The following FILIP1L variants were observed in gnomAD, a reference collection of about 807,000 sequenced individuals.
FILIP1L encodes the protein filamin A-interacting protein 1-like.
FILIP1L carries 55 observed loss-of-function variants against 96.6 expected under a neutral mutation model. The observed-to-expected ratio is 0.57, with a 90% CI of 0.46 to 0.71. The LOEUF is 0.71. Among genes scored for constraint, FILIP1L ranks in the 30% least tolerant of loss-of-function variants. The probability of loss-of-function intolerance (pLI) is 0.00; values close to 1 mark genes in which losing one functional copy is unlikely to be tolerated. For missense variants in FILIP1L, 1,304 were observed against 1,321.2 expected (o/e 0.99, Z 0.20); for synonymous variants, 467 against 473.9 (o/e 0.99, Z 0.19).
intron 1 of FILIP1L, among the ~76,000 whole-genome samples, chr3:99,958,299 A>G (rs1448559295): frequency 6.6e-6 from 1 of 150,894 alleles, no homozygotes; most frequent in Non-Finnish European, 1.5e-5. Flanking sequence ...ACAGTAACAG[A>G]AAGGGAAAAT....
At chr3:100,098,534 C>T (rs2066250591) in intron 1 of FILIP1L, among the ~76,000 whole-genome samples, 1 of 152,184 alleles carries the variant, frequency 6.6e-6, no homozygotes, top group Non-Finnish European at 1.5e-5. Context: ...TTGACTGACT[C>T]TATAAGTTTT....
chr3:99,835,165 G>A (rs868780489), intron 5 of FILIP1L, among the ~76,000 whole-genome samples: 5 of 152,088 alleles, frequency 3.3e-5, no homozygotes, highest in Non-Finnish European at 7.4e-5. Flanking sequence ...GTTGCTAAGG[G>A]TGGGAGTTAA....
chr3:99,968,419 GTT>G lies in FILIP1L; in HGVS notation c.-10-37391_-10-37390del, dbSNP rs1288354671. 2.7e-5 allele frequency among the ~76,000 whole-genome samples: 4 copies of G among 147,468 alleles called. No homozygotes were observed. The East Asian group carries it at 7.9e-4, about 29-fold the overall frequency. Reference sequence around the variant, plus strand: ...TATGAAGTAGGTCCTGAAAAACTATGTTTTTGGGGGAAAAAAAAAAAAAAGAC... The same window carrying G: ...TATGAAGTAGGTCCTGAAAAACTATGTTTGGGGGAAAAAAAAAAAAAAGAC... On this transcript the variant is annotated intron_variant, in intron 1 of 5. Coordinates refer to ENST00000477258, the MANE Select transcript of FILIP1L (RefSeq NM_001387850.1).
chr3:99,937,104 T>G (rs754901251), intron 1 of FILIP1L, among the ~76,000 whole-genome samples: 1 of 151,856 alleles, frequency 6.6e-6, no homozygotes, highest in African/African-American at 2.4e-5. Flanking sequence ...TGTGGCTAAT[T>G]TTTTTGTATT....
intron 1 of FILIP1L, among the ~76,000 whole-genome samples, chr3:99,962,489 T>C (rs975620291): frequency 3.9e-5 from 6 of 152,228 alleles, no homozygotes; most frequent in Admixed American, 2.6e-4. Context: ...TAGACAGATA[T>C]AGCTCTTTCA....
At position 100,114,175 on chromosome 3, in the gene FILIP1L, CT is replaced by C. The variant is rs924577894; in HGVS notation, c.-134del. 1.3e-5 allele frequency: 2 copies of C among 152,074 alleles called. No individual in the cohort carries two copies. The highest frequency in any genetic ancestry group is 1.3e-4 in the Admixed American group (2 of 15,276). The allele number at this position is 152,074 out of a possible 1,614,324, so 9.4% of individuals were successfully genotyped here. On this transcript the variant is annotated 5_prime_UTR_variant, in exon 1 of 6. The change creates a premature stop within an existing upstream ORF in the 5' untranslated region. Transcript: ENST00000477258. ...TTCTTCTTCTCTTTTTGGACACCCTCTCAGTTTTTGTTTTGTAGGCTTGAAA... is the reference window on the plus strand; with the variant it reads ...TTCTTCTTCTCTTTTTGGACACCCTCCAGTTTTTGTTTTGTAGGCTTGAAA...
intron 1 of FILIP1L, among the ~76,000 whole-genome samples, chr3:100,113,422 G>C (rs771217481): frequency 6.6e-6 from 1 of 152,168 alleles, no homozygotes. Flanking sequence ...TTCTTGATAG[G>C]TATCTCCCAA....
At chr3:100,038,111 A>G (rs888203465) in intron 1 of FILIP1L, among the ~76,000 whole-genome samples, 2 of 151,864 alleles carry the variant, frequency 1.3e-5, no homozygotes, top group Non-Finnish European at 2.9e-5. Flanking sequence ...ACCTGCCACC[A>G]TGTCCAGCTA....
chr3:99,910,770 A>G (rs1472463289), intron 4 of FILIP1L, among the ~76,000 whole-genome samples: 1 of 83,560 alleles, frequency 1.2e-5, no homozygotes, highest in Non-Finnish European at 3.2e-5. Context: ...AAGAAAGTAG[A>G]TAACTAGAAT....
chr3:99,981,906 G>A (rs987573955), intron 1 of FILIP1L, among the ~76,000 whole-genome samples: 3 of 152,108 alleles, frequency 2.0e-5, no homozygotes, highest in Non-Finnish European at 2.9e-5. Flanking sequence ...CGGGAGGATC[G>A]CTTGAGGCCA....
At chr3:99,883,876 A>C (rs2107605580) in intron 4 of FILIP1L, among the ~76,000 whole-genome samples, 1 of 152,344 alleles carries the variant, frequency 6.6e-6, no homozygotes, top group East Asian at 1.9e-4. Flanking sequence ...AAGATCACAG[A>C]GCTAGGGAAT....
chr3:99,842,207 A>G (rs924433451), intron 5 of FILIP1L, among the ~76,000 whole-genome samples: 6 of 152,166 alleles, frequency 3.9e-5, no homozygotes, highest in South Asian at 2.1e-4. Context: ...ATTGGAGACT[A>G]TTGTTCTAAG....
chr3:100,038,622 A>G (rs890794631), intron 1 of FILIP1L, among the ~76,000 whole-genome samples: 3 of 152,208 alleles, frequency 2.0e-5, no homozygotes, highest in African/African-American at 7.2e-5. Context: ...ATCCAATACT[A>G]TGCTTCCATA....
chr3:99,987,677 C>A lies in FILIP1L; in HGVS notation c.-10-56647G>T, dbSNP rs548339689. Among the ~76,000 whole-genome samples the A allele has an allele frequency of 2.6e-5, 4 of 152,198 alleles. No individual in the cohort carries two copies. In the South Asian group the frequency reaches 8.3e-4, roughly 32 times the overall value. ...CTAACAATTCTGTTATTAACATGAC[C>A]CAAAGTCAGAATTAGTTTAGCACAG... On this transcript the variant is annotated intron_variant, in intron 1 of 5. Transcript: ENST00000477258.
At position 99,849,506 on chromosome 3, in the gene FILIP1L, C is replaced by A; in HGVS notation, c.2170G>T (p.Glu724Ter). Reference sequence around the variant, plus strand: ...GTTGCCATGTATTCATGAATTTTCTCTTTTAATGCATCCACTTCTCTTGAG... The same window carrying A: ...GTTGCCATGTATTCATGAATTTTCTATTTTAATGCATCCACTTCTCTTGAG... ...HLSREVDALK[E>*]KIHEYMATED... Residue 724 changes from glutamate to a stop codon, truncating the protein, a stop_gained, in exon 5 of 6, where the codon GAG (glutamate) becomes TAG (stop). Transcript: ENST00000477258. LOFTEE classifies it high-confidence loss of function. The A allele has an allele frequency of 6.2e-7, 1 of 1,613,376 alleles. No individual in the cohort carries two copies. Among genetic ancestry groups the A allele is most frequent in the Non-Finnish European group, 8.5e-7 (1 of 1,179,870 alleles).
In FILIP1L at chr3:99,850,776, T is replaced by C. The variant is rs1943649331; in HGVS notation, c.900A>G (p.Thr300=). ...RLEKELQTQT[T]KFHQDQDTIM... ...TTGTGTCTTGGTCTTGGTGAAACTT[T>C]GTGGTCTGCGTTTGCAGTTCCTTCT... The change falls in exon 5 of 6, where the codon ACA becomes ACG. Residue 300 remains threonine, a synonymous_variant. Coordinates refer to ENST00000477258, the MANE Select transcript of FILIP1L (RefSeq NM_001387850.1). 6.2e-7 allele frequency: 1 copy of C among 1,614,230 alleles called. No homozygotes were observed. Among genetic ancestry groups the C allele is most frequent in the Non-Finnish European group, 8.5e-7 (1 of 1,180,040 alleles).
At chr3:100,001,833 G>T (rs1256102831) in intron 1 of FILIP1L, among the ~76,000 whole-genome samples, 2 of 152,200 alleles carry the variant, frequency 1.3e-5, no homozygotes, top group East Asian at 3.8e-4. Flanking sequence ...TGGGTGTCTT[G>T]TTGAATGCTG....
At chr3:99,957,847 T>A (rs1006985507) in intron 1 of FILIP1L, among the ~76,000 whole-genome samples, 27 of 151,350 alleles carry the variant, frequency 1.8e-4, no homozygotes, top group Admixed American at 4.6e-4. Flanking sequence ...GATATTTGTA[T>A]GTTCTTAATA....
chr3:100,062,660 A>G (rs1382145636), intron 1 of FILIP1L, among the ~76,000 whole-genome samples: 1 of 152,214 alleles, frequency 6.6e-6, no homozygotes, highest in Non-Finnish European at 1.5e-5. Flanking sequence ...GCTGCATACT[A>G]ATTTCAAAAA....
Sources: allele counts gnomAD v4.1 joint callset (sites outside exome capture counted in the v4.1 genomes callset), GRCh38; gene constraint gnomAD v4.1.1; transcripts MANE v1.5; gene names NCBI Gene and HGNC (gene_info 2026-07-23, HGNC 2026-07-21).